GPC6: variants seen among roughly 807,000 people sequenced by gnomAD.
GPC6 encodes glypican 6.
In GPC6, 14 loss-of-function variants were observed where a neutral mutation model predicts 55.2. That is an observed-to-expected ratio of 0.25 (90% CI 0.17 to 0.40). The LOEUF (loss-of-function observed/expected upper bound fraction) is 0.40. GPC6 is among the 10% of genes least tolerant of loss of function. GPC6 has a pLI of 1.00. For synonymous variants in GPC6, 278 were observed against 259.6 expected, an observed-to-expected ratio of 1.07 and a Z score of -0.68; for missense variants, 641 against 708.5, an observed-to-expected ratio of 0.90 and a Z score of 1.08.
chr13:93,764,602 ACACAC>A (rs1885054261), intron 2 of GPC6, among the ~76,000 whole-genome samples: 1 of 150,710 alleles, frequency 6.6e-6, no homozygotes. Flanking sequence ...ACACACACAC[ACACAC>A]ACACCACACA....
intron 1 of GPC6, among the ~76,000 whole-genome samples, chr13:93,314,920 G>A (rs1879197553): frequency 6.6e-6 from 1 of 151,922 alleles, no homozygotes; most frequent in African/African-American, 2.4e-5. Flanking sequence ...TTTGTTTTTT[G>A]GTAACTCAGT....
intron 1 of GPC6, among the ~76,000 whole-genome samples, chr13:93,383,751 G>A (rs1361327992): frequency 6.6e-6 from 1 of 151,442 alleles, no homozygotes; most frequent in Non-Finnish European, 1.5e-5. Flanking sequence ...TTTTTAATAG[G>A]GAGACTGAAT....
intron 2 of GPC6, among the ~76,000 whole-genome samples, chr13:93,601,673 T>C (rs947990300): frequency 2.6e-5 from 4 of 152,228 alleles, no homozygotes; most frequent in African/African-American, 9.6e-5. Flanking sequence ...CTGTGTTTCA[T>C]TGAGTACCTA....
At chr13:93,981,038 C>A (rs986712951) in intron 3 of GPC6, among the ~76,000 whole-genome samples, 1 of 152,166 alleles carries the variant, frequency 6.6e-6, no homozygotes, top group Non-Finnish European at 1.5e-5. Flanking sequence ...ATTTTGTCCT[C>A]TGGCTTGATT....
intron 2 of GPC6, among the ~76,000 whole-genome samples, chr13:93,766,145 C>G (rs1050238292): frequency 6.6e-6 from 1 of 152,036 alleles, no homozygotes; most frequent in Non-Finnish European, 1.5e-5. Flanking sequence ...ATTTCTGTTC[C>G]TATTCAAATA....
At chr13:93,781,782 C>T (rs1201150964) in intron 2 of GPC6, among the ~76,000 whole-genome samples, 2 of 151,696 alleles carry the variant, frequency 1.3e-5, no homozygotes, top group African/African-American at 4.8e-5. Context: ...AGGTAAAATA[C>T]CTATTAGGGT....
rs1370265547 is a variant in GPC6 at position 93,739,453 on chromosome 13, G to A, written c.320-90701G>A. On this transcript the variant is annotated intron_variant, in intron 2 of 8. Coordinates refer to ENST00000377047, the MANE Select transcript of GPC6 (RefSeq NM_005708.5). ...ATACATTTTTTTTTTTTTTTGAGACGGAGTCTCACTCTGTTGCCCAGGCTG... is the reference window on the plus strand; with the variant it reads ...ATACATTTTTTTTTTTTTTTGAGACAGAGTCTCACTCTGTTGCCCAGGCTG... Among the ~76,000 whole-genome samples the A allele has an allele frequency of 7.2e-5, 10 of 138,654 alleles. No homozygotes were observed. In the East Asian group the frequency reaches 1.5e-3, roughly 20 times the overall value. 91.0% of individuals were successfully genotyped at this position (138,654 alleles called of 152,430 possible). A position where few individuals can be genotyped will look rare whatever the true frequency, so the allele number is the denominator to read the frequency against.
At chr13:94,391,633 C>A (rs1880648880) in intron 7 of GPC6, among the ~76,000 whole-genome samples, 1 of 152,194 alleles carries the variant, frequency 6.6e-6, no homozygotes, top group African/African-American at 2.4e-5. Context: ...GAATTTTTAA[C>A]ATTGTGGTGA....
intron 1 of GPC6, among the ~76,000 whole-genome samples, chr13:93,519,395 A>G (rs184258351): frequency 1.1e-4 from 17 of 152,186 alleles, no homozygotes; most frequent in Admixed American, 5.2e-4. Context: ...ATTTCCACAC[A>G]TTAGCAATGT....
chr13:93,949,500 T>A (rs535727583), intron 3 of GPC6, among the ~76,000 whole-genome samples: 1 of 152,258 alleles, frequency 6.6e-6, no homozygotes, highest in South Asian at 2.1e-4. Flanking sequence ...TCACAATAAA[T>A]GTGTATATTA....
At chr13:94,027,359 A>G (rs910750107) in intron 3 of GPC6, among the ~76,000 whole-genome samples, 8 of 152,210 alleles carry the variant, frequency 5.3e-5, no homozygotes, top group Non-Finnish European at 1.2e-4. Context: ...AACAGGGTCA[A>G]ATAAGCAGTT....
At chr13:93,546,095 C>A (rs1387725440) in intron 2 of GPC6, among the ~76,000 whole-genome samples, 2 of 152,162 alleles carry the variant, frequency 1.3e-5, no homozygotes, top group Non-Finnish European at 2.9e-5. Flanking sequence ...TCTTTGTAAG[C>A]AGTATCAACA....
chr13:94,365,657 A>G (rs1055407446), intron 6 of GPC6, among the ~76,000 whole-genome samples: 7 of 152,314 alleles, frequency 4.6e-5, no homozygotes, highest in African/African-American at 1.7e-4. Flanking sequence ...TAGTTGCTGA[A>G]TATTTTCCTA....
intron 4 of GPC6, among the ~76,000 whole-genome samples, chr13:94,033,441 T>A (rs549024665): frequency 4.6e-5 from 7 of 152,332 alleles, no homozygotes; most frequent in African/African-American, 1.7e-4. Context: ...ATTCGTAATT[T>A]TGTGTTTGGG....
chr13:93,731,703 T>A (rs954520624), intron 2 of GPC6, among the ~76,000 whole-genome samples: 2 of 152,104 alleles, frequency 1.3e-5, no homozygotes, highest in African/African-American at 4.8e-5. Flanking sequence ...TATGAGTGGA[T>A]TATAGATATG....
chr13:94,227,076 A>G lies in GPC6; in HGVS notation c.878-59273A>G, dbSNP rs191965887. Reference sequence around the variant, plus strand: ...TCTACCTCCAGAGATTGTGTTAATTAGAGGAGATACTAACAACTCACTGTG... The same window carrying G: ...TCTACCTCCAGAGATTGTGTTAATTGGAGGAGATACTAACAACTCACTGTG... On this transcript the variant is annotated intron_variant, in intron 4 of 8. Coordinates refer to ENST00000377047, the MANE Select transcript of GPC6 (RefSeq NM_005708.5). 5.9e-5 allele frequency among the ~76,000 whole-genome samples: 9 copies of G among 152,360 alleles called. No individual in the cohort carries two copies. In the East Asian group the frequency reaches 1.7e-3, roughly 29 times the overall value.
At chr13:93,849,323 A>G (rs981760327) in intron 3 of GPC6, among the ~76,000 whole-genome samples, 1 of 152,120 alleles carries the variant, frequency 6.6e-6, no homozygotes, top group African/African-American at 2.4e-5. Context: ...AGGATGTACT[A>G]TAGTTCTTTC....
chr13:93,453,011 C>T (rs1029730571), intron 1 of GPC6, among the ~76,000 whole-genome samples: 2 of 152,156 alleles, frequency 1.3e-5, no homozygotes, highest in African/African-American at 2.4e-5. Context: ...ACTTATGTAC[C>T]CTACTTGTGT....
intron 6 of GPC6, among the ~76,000 whole-genome samples, chr13:94,372,362 TGC>T (rs1456407169): frequency 6.6e-6 from 1 of 152,076 alleles, no homozygotes; most frequent in Non-Finnish European, 1.5e-5. Context: ...GCGCGCACCG[TGC>T]GCGAGCCGAA....
Sources: allele counts gnomAD v4.1 joint callset (sites outside exome capture counted in the v4.1 genomes callset), GRCh38; gene constraint gnomAD v4.1.1; transcripts MANE v1.5; gene names NCBI Gene and HGNC (gene_info 2026-07-23, HGNC 2026-07-21).